Variants in KIF2A observed in about 807,000 individuals in gnomAD.
KIF2A encodes kinesin family member 2A.
A neutral mutation model predicts 100.2 loss-of-function variants in KIF2A; 22 were observed. That is an observed-to-expected ratio of 0.22 (90% CI 0.16 to 0.31). The LOEUF is 0.31. Ranked by LOEUF, KIF2A falls within the 10% of genes least tolerant of loss-of-function variation. KIF2A has a pLI of 1.00. For missense variants in KIF2A, 495 were observed against 898.7 expected, an observed-to-expected ratio of 0.55 and a Z score of 5.74; for synonymous variants, 268 against 285.9, an observed-to-expected ratio of 0.94 and a Z score of 0.63.
rs896425462 is a variant in KIF2A, at chr5:62,389,416, G to A, written c.*3847G>A. On this transcript the variant is annotated 3_prime_UTR_variant, in exon 21 of 21. Coordinates refer to ENST00000407818, the MANE Select transcript of KIF2A (RefSeq NM_001098511.3). ...CAGGAGATTTGCCTGAACCCAGGAG[G>A]CGGAGGTTGCAGTGAGCTGAGATTG... 4.1e-5 allele frequency among the ~76,000 whole-genome samples: 6 copies of A among 145,882 alleles called. No homozygotes were observed. The South Asian group carries it at 1.3e-3, about 31-fold the overall frequency.
At chr5:62,350,736 A>AC (rs897247531) in intron 4 of KIF2A, among the ~76,000 whole-genome samples, 1 of 151,348 alleles carries the variant, frequency 6.6e-6, no homozygotes, top group Non-Finnish European at 1.5e-5. Flanking sequence ...ACATGGTGAA[A>AC]CCCCGTCTCT....
chr5:62,361,247 C>A lies in KIF2A; in HGVS notation c.878C>A (p.Thr293Asn). Residue 293 changes from threonine to asparagine, a missense_variant, in exon 10 of 21, where the codon ACT becomes AAT. This residue lies in a region of KIF2A where 109 missense variants were observed against 244.2 expected (regional missense o/e 0.45). Coordinates refer to ENST00000407818, the MANE Select transcript of KIF2A (RefSeq NM_001098511.3). The stretch of plus-strand genomic sequence containing the variant: ...TGATGCATTTTATTTTTAAGGTTTA[C>A]TGCTAGACCACTAGTGGAAACTATA... ...SAPNEMVYRF[T>N]ARPLVETIFE... 1 of 1,588,920 alleles carries A rather than the reference C, an allele frequency of 6.3e-7. No individual in the cohort carries two copies. The highest frequency in any genetic ancestry group is 8.6e-7 in the Non-Finnish European group (1 of 1,162,754).
intron 7 of KIF2A, among the ~76,000 whole-genome samples, chr5:62,356,679 CT>C (rs1334432449): frequency 5.3e-5 from 8 of 152,040 alleles, no homozygotes; most frequent in South Asian, 2.1e-4. Context: ...CCATAGTTAT[CT>C]TTGCTAGCAA....
intron 1 of KIF2A, among the ~76,000 whole-genome samples, chr5:62,328,147 A>G (rs1339402419): frequency 2.0e-5 from 3 of 152,238 alleles, no homozygotes; most frequent in Non-Finnish European, 4.4e-5. Context: ...TATTCTAAAT[A>G]GGAAATCTTG....
intron 1 of KIF2A, among the ~76,000 whole-genome samples, chr5:62,310,117 G>A (rs964763462): frequency 1.4e-5 from 2 of 146,936 alleles, no homozygotes; most frequent in South Asian, 2.1e-4. Context: ...TCAGTGGTGC[G>A]ATCTCCGCTC....
chr5:62,333,270 A>G (rs1746748593), intron 1 of KIF2A, among the ~76,000 whole-genome samples: 1 of 152,204 alleles, frequency 6.6e-6, no homozygotes, highest in East Asian at 1.9e-4. Context: ...GAGGTGTTCT[A>G]TTGGGAAAAT....
Position 62,306,291 on chromosome 5 carries a change from C to T in KIF2A, c.-182C>T, listed in dbSNP as rs1158672300. 3.5e-6 allele frequency: 2 copies of T among 568,180 alleles called. No homozygotes were observed. Among genetic ancestry groups the T allele is most frequent in the African/African-American group, 2.0e-5 (1 of 49,556 alleles). The allele number at this position is 568,180 out of a possible 1,614,324, so 35.2% of individuals were successfully genotyped here. A position where few individuals can be genotyped will look rare whatever the true frequency, so the allele number is the denominator to read the frequency against. On this transcript the variant is annotated 5_prime_UTR_variant, in exon 1 of 21. Transcript: ENST00000407818. ...GCGTCCTCCTGCCGGCCTGCAGGCC[C>T]GGGGCCTCCGCCTGCTTCCCCACAG...
chr5:62,338,106 A>G lies in KIF2A; in HGVS notation c.65-9024A>G, dbSNP rs572864638. Among the ~76,000 whole-genome samples, 3 of 152,316 alleles carry G rather than the reference A, an allele frequency of 2.0e-5. No individual in the cohort carries two copies. In the East Asian group the frequency reaches 5.8e-4, roughly 29 times the overall value. On this transcript the variant is annotated intron_variant, in intron 1 of 20. Transcript: ENST00000407818. ...ATAATAAGCAAAGCTATAATACTAAATGTAATTTTAGTTCAGGGATAAATA... is the reference window on the plus strand; with the variant it reads ...ATAATAAGCAAAGCTATAATACTAAGTGTAATTTTAGTTCAGGGATAAATA...
Position 62,352,566 on chromosome 5 carries a change from AAT to A in KIF2A, c.335-21_335-20del. 6.7e-7 allele frequency: 1 copy of A among 1,496,814 alleles called. No individual in the cohort carries two copies. Among genetic ancestry groups the A allele is most frequent in the Non-Finnish European group, 8.9e-7 (1 of 1,120,898 alleles). The allele number at this position is 1,496,814 out of a possible 1,614,324, so 92.7% of individuals were successfully genotyped here. A position where few individuals can be genotyped will look rare whatever the true frequency, so the allele number is the denominator to read the frequency against. ...TACTAATTTTCTATCCTGAATTTAAAATTTTTTTTTTTTACTTACAGTGGTTG... is the reference window on the plus strand; with the variant it reads ...TACTAATTTTCTATCCTGAATTTAAATTTTTTTTTTTACTTACAGTGGTTG... On this transcript the variant is annotated intron_variant, in intron 4 of 20. Coordinates refer to ENST00000407818, the MANE Select transcript of KIF2A (RefSeq NM_001098511.3).
Position 62,372,505 on chromosome 5 carries a change from C to G in KIF2A, c.1714C>G (p.Leu572Val). ...FSQGSGSRPDLSPSYEYDDFS... is the reference protein window; with the variant it reads ...FSQGSGSRPDVSPSYEYDDFS... ...ACAGGGTAGTGGCAGTCGCCCTGAT[C>G]TCTCTCCTTCTTATGAATATGACGA... Residue 572 changes from leucine to valine, a missense_variant, in exon 17 of 21, where the codon CTC (leucine) becomes GTC (valine). Transcript: ENST00000407818. 1 of 1,612,578 alleles carries G rather than the reference C, an allele frequency of 6.2e-7. No homozygotes were observed. The highest frequency in any genetic ancestry group is 8.5e-7 in the Non-Finnish European group (1 of 1,178,840).
rs748604730 is a variant in KIF2A at position 62,390,670 on chromosome 5, T to C, written c.*5101T>C. 2.0e-5 allele frequency among the ~76,000 whole-genome samples: 3 copies of C among 152,188 alleles called. No individual in the cohort carries two copies. Among genetic ancestry groups the C allele is most frequent in the African/African-American group, 4.8e-5 (2 of 41,450 alleles). On this transcript the variant is annotated 3_prime_UTR_variant, in exon 21 of 21. Transcript: ENST00000407818. Reference sequence around the variant, plus strand: ...CAATCTTCTGGCTCGGACTGTTCTTTACTACTGTTCTTAAAGAAAATGTTC... The same window carrying C: ...CAATCTTCTGGCTCGGACTGTTCTTCACTACTGTTCTTAAAGAAAATGTTC...
intron 3 of KIF2A, among the ~76,000 whole-genome samples, chr5:62,348,556 A>G (rs2111911351): frequency 6.6e-6 from 1 of 152,236 alleles, no homozygotes; most frequent in East Asian, 1.9e-4. Context: ...TAATTCTGCT[A>G]TTTGTTTCTT....
At chr5:62,365,947 T>C (rs1741045138) in intron 15 of KIF2A, among the ~76,000 whole-genome samples, 1 of 152,152 alleles carries the variant, frequency 6.6e-6, no homozygotes, top group African/African-American at 2.4e-5. Flanking sequence ...TACCACACTC[T>C]CTGCAGCACT....
intron 1 of KIF2A, among the ~76,000 whole-genome samples, chr5:62,346,528 C>G (rs962633520): frequency 2.6e-5 from 4 of 151,966 alleles, no homozygotes; most frequent in African/African-American, 9.7e-5. Context: ...TCACTCGAGG[C>G]CAGGATTTCG....
intron 8 of KIF2A, 27 bp from the exon 9 acceptor site, chr5:62,358,110 G>T: frequency 6.8e-7 from 1 of 1,475,902 alleles, no homozygotes; most frequent in Non-Finnish European, 9.1e-7. Context: ...AAAATTATTG[G>T]GCATTGATTT....
intron 1 of KIF2A, among the ~76,000 whole-genome samples, chr5:62,333,714 G>C (rs905839822): frequency 7.2e-5 from 11 of 152,140 alleles, no homozygotes; most frequent in Non-Finnish European, 1.5e-4. Flanking sequence ...TCCTCCCCAA[G>C]TGTCCAGCTG....
chr5:62,371,549 G>A (rs1208395064), intron 16 of KIF2A, among the ~76,000 whole-genome samples: 1 of 152,162 alleles, frequency 6.6e-6, no homozygotes, highest in Non-Finnish European at 1.5e-5. Flanking sequence ...TGTACTCAGG[G>A]CTAGGTTTTA....
chr5:62,373,688 G>A lies in KIF2A; in HGVS notation c.1762G>A (p.Val588Ile). The A allele has an allele frequency of 6.2e-7, 1 of 1,612,284 alleles. No homozygotes were observed. The highest frequency in any genetic ancestry group is 2.2e-5 in the East Asian group (1 of 44,846). ...TAGATACCTCTTATGTATTTATAGGGTCAAAGAATTGACTGTAGATCCAAC... is the reference window on the plus strand; with the variant it reads ...TAGATACCTCTTATGTATTTATAGGATCAAAGAATTGACTGTAGATCCAAC... ...YDDFSPSVTR[V>I]KELTVDPTAA... is the part of the protein sequence containing the mutation. The change falls in exon 18 of 21, where the codon GTC becomes ATC. Residue 588 changes from valine (V) to isoleucine (I), a missense_variant and splice_region_variant. By Grantham distance (29) the Val-to-Ile change is conservative (BLOSUM62 3). This residue lies in a region of KIF2A where 100 missense variants were observed against 138.2 expected (regional missense o/e 0.72). Coordinates refer to ENST00000407818, the MANE Select transcript of KIF2A (RefSeq NM_001098511.3).
chr5:62,325,037 A>G (rs745885767), intron 1 of KIF2A, among the ~76,000 whole-genome samples: 5 of 152,172 alleles, frequency 3.3e-5, no homozygotes, highest in Non-Finnish European at 7.4e-5. Flanking sequence ...AAAGGGACAC[A>G]CTTGCTTTCT....
Sources: allele counts gnomAD v4.1 joint callset (sites outside exome capture counted in the v4.1 genomes callset), GRCh38; gene constraint gnomAD v4.1.1; regional missense constraint gnomAD v4.1.1; transcripts MANE v1.5; gene names NCBI Gene and HGNC (gene_info 2026-07-23, HGNC 2026-07-21).